Variants in ARMCX1 observed in about 807,000 individuals in gnomAD.
ARMCX1 encodes armadillo repeat-containing X-linked protein 1.
A neutral mutation model predicts 15.4 loss-of-function variants in ARMCX1; 4 were observed. The ratio of observed to expected loss-of-function variants is 0.26; its 90% CI spans 0.13 to 0.59. ARMCX1 has a LOEUF of 0.59. Among genes scored for constraint, ARMCX1 ranks in the 20% least tolerant of loss-of-function variants. The pLI is 0.89. For synonymous variants in ARMCX1, 144 were observed against 130.5 expected (o/e 1.10, Z -0.71); for missense variants, 273 against 337.1 (o/e 0.81, Z 1.49).
At position 101,554,425 on chromosome X, in the gene ARMCX1, A is replaced by T. The variant is rs1306712446; in HGVS notation, c.*133A>T. 5 of 654,688 alleles carry T rather than the reference A, an allele frequency of 7.6e-6. No individual in the cohort carries two copies. The African/African-American group carries it at 1.1e-4, about 15-fold the overall frequency. 54.0% of individuals were successfully genotyped at this position (654,688 alleles called of 1,213,427 possible). A position where few individuals can be genotyped will look rare whatever the true frequency, so the allele number is the denominator to read the frequency against. ...GCTATTTTGGAATAATGACTATCAT[A>T]TATCATAACAGTGACTGATGTTGGT... is the stretch of plus-strand genomic sequence containing the variant. On this transcript the variant is annotated 3_prime_UTR_variant, in exon 4 of 4. Transcript: ENST00000372829.
At position 101,553,754 on chromosome X, in the gene ARMCX1, G is replaced by C. The variant is rs782392131; in HGVS notation, c.824G>C (p.Ser275Thr). Residue 275 changes from serine (S) to threonine (T), a missense_variant, in exon 4 of 4, where the codon AGT becomes ACT. By Grantham distance (58) the Ser-to-Thr change is moderately conservative (BLOSUM62 1). Around this residue, in one of 2 missense-constraint regions of ARMCX1, gnomAD observed 126 missense variants for 193.6 expected, o/e 0.65. Coordinates refer to ENST00000372829, the MANE Select transcript of ARMCX1 (RefSeq NM_016608.2). ...ACTTACAATGCCCTTAATAACTTGA[G>C]TGTGAACGCAGAAAATCAGGGCAAG... is the stretch of plus-strand genomic sequence containing the variant. The part of the protein sequence containing the change: ...EKTYNALNNL[S>T]VNAENQGKIK... 14 of 1,209,468 alleles carry C rather than the reference G, an allele frequency of 1.2e-5. No individual in the cohort carries two copies. Among genetic ancestry groups the C allele is most frequent in the Admixed American group, 8.7e-5 (4 of 45,718 alleles).
rs1374688607 is a variant in ARMCX1, at chrX:101,553,234, G to A, written c.304G>A (p.Gly102Ser). 1.6e-6 allele frequency: 2 copies of A among 1,212,270 alleles called. No homozygotes were observed. Among genetic ancestry groups the A allele is most frequent in the Non-Finnish European group, 2.2e-6 (2 of 895,583 alleles). ...GGCCCATTCAGGATCCCACAGCGGA[G>A]GTGGCCTAGAGGCCAAGGCCAAGGC... is the stretch of plus-strand genomic sequence containing the variant. ...EKAHSGSHSGGGLEAKAKALF... is the reference protein window; with the variant it reads ...EKAHSGSHSGSGLEAKAKALF... Residue 102 changes from glycine to serine, a missense_variant, in exon 4 of 4, where the codon GGT (glycine) becomes AGT (serine). Coordinates refer to ENST00000372829, the MANE Select transcript of ARMCX1 (RefSeq NM_016608.2).
rs782141841 is a variant in ARMCX1, at chrX:101,553,825, C to T, written c.895C>T (p.Arg299Cys). ...SQVCDDTMVC[R>C]LDSAVQMAGL... is the part of the protein sequence containing the mutation. ...AGTGTGTGATGACACCATGGTCTGTCGCTTGGACTCAGCTGTGCAGATGGC... is the reference window on the plus strand; with the variant it reads ...AGTGTGTGATGACACCATGGTCTGTTGCTTGGACTCAGCTGTGCAGATGGC... The change falls in exon 4 of 4, where the codon CGC (arginine) becomes TGC (cysteine). Residue 299 changes from arginine (R) to cysteine (C), a missense_variant. This residue lies in a region of ARMCX1 where 126 missense variants were observed against 193.6 expected (regional missense o/e 0.65). Coordinates refer to ENST00000372829, the MANE Select transcript of ARMCX1 (RefSeq NM_016608.2). 29 of 1,209,774 alleles carry T rather than the reference C, an allele frequency of 2.4e-5. No homozygotes were observed. Among genetic ancestry groups the T allele is most frequent in the East Asian group, 5.9e-5 (2 of 33,785 alleles).
rs1935402891 is a variant in ARMCX1 at position 101,553,279 on chromosome X, G to A, written c.349G>A (p.Glu117Lys). ...CAAGGCCCTTTTCAACACGCTGAAG[G>A]AACAGGCAAGTGCAAAGGCAGGCAA... The part of the protein sequence containing the change: ...KAKALFNTLK[E>K]QASAKAGKGA... Residue 117 changes from glutamate to lysine, a missense_variant, in exon 4 of 4, where the codon GAA becomes AAA. By Grantham distance (56) the Glu-to-Lys change is moderately conservative. Coordinates refer to ENST00000372829, the MANE Select transcript of ARMCX1 (RefSeq NM_016608.2). 8.3e-7 allele frequency: 1 copy of A among 1,210,304 alleles called. No homozygotes were observed. The highest frequency in any genetic ancestry group is 2.2e-5 in the Admixed American group (1 of 45,835).
At chrX:101,552,692 T>G in intron 3 of ARMCX1, 117 bp from the exon 4 acceptor site, 1 of 358,374 alleles carries the variant, frequency 2.8e-6, no homozygotes, top group Non-Finnish European at 4.8e-6. Flanking sequence ...AAGCCCCGAG[T>G]CTCTGCCAGT....
At chrX:101,551,387 A>C (rs1556026915) in intron 2 of ARMCX1, among the ~76,000 whole-genome samples, 182 bp from the exon 3 acceptor site, 1 of 111,278 alleles carries the variant, frequency 9.0e-6, no homozygotes. Flanking sequence ...GTAGGGGAAC[A>C]CTACCAAGCG....
At position 101,552,876 on chromosome X, in the gene ARMCX1, G is replaced by A; in HGVS notation, c.-55G>A. ...GCCCGCGACGTGTGCGCGCTTCTCT[G>A]GGCCAGAGCGAGCCTGTTTTGTGCT... is the stretch of plus-strand genomic sequence containing the variant. On this transcript the variant is annotated 5_prime_UTR_variant, in exon 4 of 4. Coordinates refer to ENST00000372829, the MANE Select transcript of ARMCX1 (RefSeq NM_016608.2). 8.6e-7 allele frequency: 1 copy of A among 1,162,601 alleles called. No homozygotes were observed. The highest frequency in any genetic ancestry group is 1.2e-6 in the Non-Finnish European group (1 of 868,748).
At chrX:101,551,710 C>T (rs1047765961) in intron 3 of ARMCX1, 77 bp downstream of exon 3, 2 of 110,602 alleles carry the variant, frequency 1.8e-5, no homozygotes, top group Non-Finnish European at 3.8e-5. Context: ...GGCCCGTGGA[C>T]CCCTTCCATA....
At chrX:101,552,542 C>T (rs782559702) in intron 3 of ARMCX1, among the ~76,000 whole-genome samples, 2 of 111,027 alleles carry the variant, frequency 1.8e-5, no homozygotes, top group Non-Finnish European at 3.8e-5. Context: ...GTTCACAGGA[C>T]ATCTGGAAGG....
rs200442150 is a variant in ARMCX1, at chrX:101,554,313, A to G, written c.*21A>G. 1 of 1,143,993 alleles carries G rather than the reference A, an allele frequency of 8.7e-7. No individual in the cohort carries two copies. Among genetic ancestry groups the G allele is most frequent in the Non-Finnish European group, 1.2e-6 (1 of 860,872 alleles). 94.3% of individuals were successfully genotyped at this position (1,143,993 alleles called of 1,213,427 possible). The stretch of plus-strand genomic sequence containing the variant: ...TCTAATTTGGAGTCTGTCCCAAACA[A>G]TATTGAGATATTTGCAGTTGGTACG... On this transcript the variant is annotated 3_prime_UTR_variant, in exon 4 of 4. Coordinates refer to ENST00000372829, the MANE Select transcript of ARMCX1 (RefSeq NM_016608.2).
At position 101,553,192 on chromosome X, in the gene ARMCX1, C is replaced by G; in HGVS notation, c.262C>G (p.Pro88Ala). 8.3e-7 allele frequency: 1 copy of G among 1,211,748 alleles called. No individual in the cohort carries two copies. The highest frequency in any genetic ancestry group is 1.1e-6 in the Non-Finnish European group (1 of 895,523). The stretch of plus-strand genomic sequence containing the variant: ...GGTGAGTTTGGGACTCGAGGATTGT[C>G]CGGGTGTAAAAGAGAAGGCCCATTC... ...PEVSLGLEDCPGVKEKAHSGS... is the reference protein window; with the variant it reads ...PEVSLGLEDCAGVKEKAHSGS... Residue 88 changes from proline (P) to alanine (A), a missense_variant, in exon 4 of 4, where the codon CCG becomes GCG. Pro to Ala is a conservative substitution (Grantham distance 27, BLOSUM62 -1). Coordinates refer to ENST00000372829, the MANE Select transcript of ARMCX1 (RefSeq NM_016608.2).
Position 101,553,460 on chromosome X carries a change from G to A in ARMCX1, c.530G>A (p.Ser177Asn). Residue 177 changes from serine to asparagine, a missense_variant, in exon 4 of 4, where the codon AGC (serine) becomes AAC (asparagine). This residue lies in a region of ARMCX1 where 147 missense variants were observed against 143.5 expected (regional missense o/e 1.02). Coordinates refer to ENST00000372829, the MANE Select transcript of ARMCX1 (RefSeq NM_016608.2). ...TCCAAGGGAAAGGCCCGAAGTAAGA[G>A]CACCAGGGCTCCAGCTACAACATGG... ...GKSKGKARSKSTRAPATTWPV... is the reference protein window; with the variant it reads ...GKSKGKARSKNTRAPATTWPV... 1.7e-6 allele frequency: 2 copies of A among 1,207,687 alleles called. No homozygotes were observed. Among genetic ancestry groups the A allele is most frequent in the Non-Finnish European group, 2.2e-6 (2 of 893,533 alleles).
chrX:101,552,019 G>GC (rs1556027012), intron 3 of ARMCX1, among the ~76,000 whole-genome samples: 1 of 61,763 alleles, frequency 1.6e-5, no homozygotes, highest in South Asian at 1.8e-3. Context: ...ACGGGGTGGG[G>GC]GGGGGGGGCG....
chrX:101,554,324 T>C lies in ARMCX1; in HGVS notation c.*32T>C. The C allele has an allele frequency of 8.8e-7, 1 of 1,133,631 alleles. No homozygotes were observed. 93.4% of individuals were successfully genotyped at this position (1,133,631 alleles called of 1,213,427 possible). On this transcript the variant is annotated 3_prime_UTR_variant, in exon 4 of 4. Coordinates refer to ENST00000372829, the MANE Select transcript of ARMCX1 (RefSeq NM_016608.2). ...GTCTGTCCCAAACAATATTGAGATA[T>C]TTGCAGTTGGTACGATGTGATTTGT...
Position 101,554,249 on chromosome X carries a change from T to C in ARMCX1, c.1319T>C (p.Leu440Pro). 8.4e-7 allele frequency: 1 copy of C among 1,197,077 alleles called. No homozygotes were observed. The highest frequency in any genetic ancestry group is 1.1e-6 in the Non-Finnish European group (1 of 890,776). The part of the protein sequence containing the change: ...KIKALANHND[L>P]VVKVKVLKVL... ...AAAGCACTAGCAAATCACAATGATC[T>C]GGTGGTGAAAGTAAAAGTCCTGAAA... The change falls in exon 4 of 4, where the codon CTG becomes CCG. Residue 440 changes from leucine (L) to proline (P), a missense_variant. This residue lies in a region of ARMCX1 where 126 missense variants were observed against 193.6 expected (regional missense o/e 0.65). Coordinates refer to ENST00000372829, the MANE Select transcript of ARMCX1 (RefSeq NM_016608.2).
At chrX:101,552,197 T>G (rs1238382915) in intron 3 of ARMCX1, among the ~76,000 whole-genome samples, 1 of 110,095 alleles carries the variant, frequency 9.1e-6, no homozygotes, top group Non-Finnish European at 1.9e-5. Context: ...AGGATGCCAA[T>G]GATGGGAGTA....
chrX:101,553,739 C>T lies in ARMCX1; in HGVS notation c.809C>T (p.Ala270Val). ...DPIIREKTYN[A>V]LNNLSVNAEN... ...ATAATTAGGGAAAAGACTTACAATGCCCTTAATAACTTGAGTGTGAACGCA... is the reference window on the plus strand; with the variant it reads ...ATAATTAGGGAAAAGACTTACAATGTCCTTAATAACTTGAGTGTGAACGCA... Residue 270 changes from alanine (A) to valine (V), a missense_variant, in exon 4 of 4, where the codon GCC becomes GTC. Coordinates refer to ENST00000372829, the MANE Select transcript of ARMCX1 (RefSeq NM_016608.2). The T allele has an allele frequency of 1.7e-6, 2 of 1,210,670 alleles. No homozygotes were observed. Among genetic ancestry groups the T allele is most frequent in the Non-Finnish European group, 2.2e-6 (2 of 895,055 alleles).
chrX:101,553,068 C>T lies in ARMCX1; in HGVS notation c.138C>T (p.Asp46=). The T allele has an allele frequency of 8.3e-7, 1 of 1,211,686 alleles. No homozygotes were observed. Among genetic ancestry groups the T allele is most frequent in the Non-Finnish European group, 1.1e-6 (1 of 895,539 alleles). The change falls in exon 4 of 4, where the codon GAC becomes GAT. Residue 46 remains aspartate, a synonymous_variant. Coordinates refer to ENST00000372829, the MANE Select transcript of ARMCX1 (RefSeq NM_016608.2). ...GGGACGAAGACGAGGAGTCTACGGA[C>T]ACCTCAGAGATTGGGGTTGAGACTG... ...KIWDEDEEST[D]TSEIGVETVK...
intron 3 of ARMCX1, 29 bp from the exon 4 acceptor site, chrX:101,552,780 G>A: frequency 1.7e-6 from 1 of 572,690 alleles, no homozygotes; most frequent in Middle Eastern, 5.0e-4. Flanking sequence ...AAAGGAGCCT[G>A]AAATCTGAAA....
Sources: allele counts gnomAD v4.1 joint callset (sites outside exome capture counted in the v4.1 genomes callset), GRCh38; gene constraint gnomAD v4.1.1; regional missense constraint gnomAD v4.1.1; transcripts MANE v1.5; gene names NCBI Gene and HGNC (gene_info 2026-07-23, HGNC 2026-07-21).